The following TAF8 variants were observed in gnomAD, a reference collection of about 807,000 sequenced individuals.
TAF8 encodes transcription initiation factor TFIID subunit 8.
A neutral mutation model predicts 36.5 loss-of-function variants in TAF8; 47 were observed. That is an observed-to-expected ratio of 1.29 (90% CI 1.02 to 1.64). The LOEUF (loss-of-function observed/expected upper bound fraction) is 1.64. TAF8 is among the 40% of genes most tolerant of loss of function. The pLI is 0.00. For synonymous variants in TAF8, 175 were observed against 159.5 expected (o/e 1.10, Z -0.73); for missense variants, 420 against 407.6 (o/e 1.03, Z -0.26).
downstream of TAF8, among the ~76,000 whole-genome samples, chr6:42,084,954 GTAT>G (rs1766004491): frequency 2.0e-5 from 3 of 152,152 alleles, no homozygotes; most frequent in African/African-American, 7.2e-5. Flanking sequence ...GAGTTGGGGC[GTAT>G]TGCCTCTCTC....
chr6:42,060,254 C>T (rs1344419874), intron 5 of TAF8, among the ~76,000 whole-genome samples: 1 of 152,178 alleles, frequency 6.6e-6, no homozygotes, highest in Admixed American at 6.5e-5. Context: ...CAGCTAACAA[C>T]AGTGTACTAT....
intron 7 of TAF8, among the ~76,000 whole-genome samples, chr6:42,076,100 T>C (rs1273937580): frequency 6.6e-6 from 1 of 151,584 alleles, no homozygotes; most frequent in Non-Finnish European, 1.5e-5. Flanking sequence ...CCCAGCTACT[T>C]GGGAGGCTGA....
At position 42,078,607 on chromosome 6, in the gene TAF8, G is replaced by T. The variant is rs745755586; in HGVS notation, c.*1062G>T. The T allele has an allele frequency of 1.0e-6, 1 of 985,320 alleles. No individual in the cohort carries two copies. The allele number at this position is 985,320 out of a possible 1,614,324, so 61.0% of individuals were successfully genotyped here. On this transcript the variant is annotated 3_prime_UTR_variant, in exon 9 of 9. Coordinates refer to ENST00000372977, the MANE Select transcript of TAF8 (RefSeq NM_138572.3). ...TCACTGTGAAGAAGAACGACATGTC[G>T]GGGCTGCACCTGTCCTCCCGTCGGC...
In TAF8 at chr6:42,079,655, CG is replaced by C; in HGVS notation, c.*2113del. 1 of 804,564 alleles carries C rather than the reference CG, an allele frequency of 1.2e-6. No homozygotes were observed. The highest frequency in any genetic ancestry group is 1.5e-6 in the Non-Finnish European group (1 of 665,324). The allele number at this position is 804,564 out of a possible 1,614,324, so 49.8% of individuals were successfully genotyped here. On this transcript the variant is annotated 3_prime_UTR_variant, in exon 9 of 9. Coordinates refer to ENST00000372977, the MANE Select transcript of TAF8 (RefSeq NM_138572.3). ...TCGGCTCACTGCAACCTCCACTCCC[CG>C]GGTTCAAGCAATTCTCAGAGTAGCT...
At chr6:42,062,907 G>T (rs12191676) in intron 5 of TAF8, among the ~76,000 whole-genome samples, 12,352 of 152,096 alleles carry the variant, frequency 0.081, 620 homozygotes, top group East Asian at 0.15. Flanking sequence ...TATGGCTAAA[G>T]CTATGCCAAG....
At chr6:42,066,948 G>A (rs1441495992) in intron 6 of TAF8, among the ~76,000 whole-genome samples, 1 of 152,190 alleles carries the variant, frequency 6.6e-6, no homozygotes, top group Non-Finnish European at 1.5e-5. Flanking sequence ...TGGAACGCCC[G>A]CTGTGTGCCT....
rs1160675615 is a variant in TAF8, at chr6:42,080,433, C to T, written c.*2888C>T. 5.7e-6 allele frequency: 5 copies of T among 876,088 alleles called. No individual in the cohort carries two copies. The highest frequency in any genetic ancestry group is 1.9e-5 in the African/African-American group (1 of 53,680). 54.3% of individuals were successfully genotyped at this position (876,088 alleles called of 1,614,324 possible). A position where few individuals can be genotyped will look rare whatever the true frequency, so the allele number is the denominator to read the frequency against. The stretch of plus-strand genomic sequence containing the variant: ...TATCGCCCAGGCTGGAGTGCAATGG[C>T]GTGATCTCGGCTCACTGCAACCTCC... On this transcript the variant is annotated 3_prime_UTR_variant, in exon 9 of 9. Transcript: ENST00000372977.
At chr6:42,051,015 A>G (rs952155532) in intron 1 of TAF8, 7 of 1,084,150 alleles carry the variant, frequency 6.5e-6, no homozygotes, top group Non-Finnish European at 7.8e-6. Flanking sequence ...GGGAGGCACA[A>G]GAGAGGGATC....
intron 2 of TAF8, 59 bp from the exon 3 acceptor site, chr6:42,055,472 T>C: frequency 8.3e-7 from 1 of 1,206,344 alleles, no homozygotes; most frequent in Non-Finnish European, 1.2e-6. Context: ...ATCTGGTAAT[T>C]CTATGTTTAA....
At chr6:42,056,312 T>C (rs1020684204) in intron 4 of TAF8, 20 of 302,570 alleles carry the variant, frequency 6.6e-5, no homozygotes, top group Non-Finnish European at 1.1e-4. Context: ...AGATTAAGGG[T>C]TGGTAAATTG....
chr6:42,064,256 T>G (rs1052811071), intron 5 of TAF8, among the ~76,000 whole-genome samples: 5 of 125,766 alleles, frequency 4.0e-5, no homozygotes, highest in Non-Finnish European at 9.4e-5. Context: ...AGTTTTGGGG[T>G]TTTTTTGTGG....
chr6:42,050,683 C>G lies in TAF8; in HGVS notation c.45+97C>G, dbSNP rs568724045. 1.2e-4 allele frequency: 161 copies of G among 1,383,328 alleles called. No homozygotes were observed. The African/African-American group carries it at 2.2e-3, about 19-fold the overall frequency. The allele number at this position is 1,383,328 out of a possible 1,614,324, so 85.7% of individuals were successfully genotyped here. ...ACAAGATAATGCCCAGAAATTCAGC[C>G]CCATCATGAGCTCCGACTGGCGGAG... is the stretch of plus-strand genomic sequence containing the variant. On this transcript the variant is annotated intron_variant, in intron 1 of 8. Coordinates refer to ENST00000372977, the MANE Select transcript of TAF8 (RefSeq NM_138572.3).
Position 42,077,666 on chromosome 6 carries a change from C to A in TAF8, c.*121C>A. Reference sequence around the variant, plus strand: ...CCAAGCCGAGGCTGCAGGGTGTGATCGGACATGATTTTCATGGCAAACCGT... The same window carrying A: ...CCAAGCCGAGGCTGCAGGGTGTGATAGGACATGATTTTCATGGCAAACCGT... On this transcript the variant is annotated 3_prime_UTR_variant, in exon 9 of 9. Transcript: ENST00000372977. 6.6e-7 allele frequency: 1 copy of A among 1,525,736 alleles called. No homozygotes were observed. The highest frequency in any genetic ancestry group is 1.3e-5 in the South Asian group (1 of 79,806). 94.5% of individuals were successfully genotyped at this position (1,525,736 alleles called of 1,614,324 possible).
At chr6:42,066,260 A>G (rs1765355335) in intron 5 of TAF8, 52 bp from the exon 6 acceptor site, 1 of 1,604,368 alleles carries the variant, frequency 6.2e-7, no homozygotes. Flanking sequence ...AGCTGATGAA[A>G]GCAGAATGAT....
At chr6:42,077,346 C>G in intron 8 of TAF8, 107 bp downstream of exon 8, 1 of 1,505,944 alleles carries the variant, frequency 6.6e-7, no homozygotes, top group East Asian at 2.4e-5. Flanking sequence ...GGGAAAGCCA[C>G]TCTGGTGAGA....
Position 42,078,252 on chromosome 6 carries a change from A to G in TAF8, c.*707A>G. 1.0e-6 allele frequency: 1 copy of G among 985,514 alleles called. No homozygotes were observed. The highest frequency in any genetic ancestry group is 1.2e-6 in the Non-Finnish European group (1 of 829,992). The allele number at this position is 985,514 out of a possible 1,614,324, so 61.0% of individuals were successfully genotyped here. Reference sequence around the variant, plus strand: ...ATAGCAGCAGCCAGTGACTTCGTTCATTATCACAGGATTTGATTCCTTTGA... The same window carrying G: ...ATAGCAGCAGCCAGTGACTTCGTTCGTTATCACAGGATTTGATTCCTTTGA... On this transcript the variant is annotated 3_prime_UTR_variant, in exon 9 of 9. Coordinates refer to ENST00000372977, the MANE Select transcript of TAF8 (RefSeq NM_138572.3).
intron 5 of TAF8, among the ~76,000 whole-genome samples, chr6:42,063,980 T>C (rs1443178566): frequency 1.3e-5 from 2 of 152,222 alleles, no homozygotes; most frequent in East Asian, 3.8e-4. Context: ...CTAAGATTAG[T>C]TTATTTTGAT....
In TAF8 at chr6:42,050,556, G is replaced by A. The variant is rs1387539830; in HGVS notation, c.15G>A (p.Ala5=). 8 of 1,555,440 alleles carry A rather than the reference G, an allele frequency of 5.1e-6. No individual in the cohort carries two copies. Among genetic ancestry groups the A allele is most frequent in the Non-Finnish European group, 6.1e-6 (7 of 1,149,928 alleles). Residue 5 remains alanine (A), a synonymous_variant, in exon 1 of 9, where the codon GCG becomes GCA. Coordinates refer to ENST00000372977, the MANE Select transcript of TAF8 (RefSeq NM_138572.3). ...GCCAGAACAAGATGGCCGACGCGGC[G>A]GCCACAGCTGGGGCCGGTGGCTCCG... is the stretch of plus-strand genomic sequence containing the variant. MADA[A]ATAGAGGSGT... is the part of the protein sequence containing the mutation.
rs1287847051 is a variant in TAF8 at position 42,081,096 on chromosome 6, C to T, written c.*3551C>T. ...CTGTATATGCCTCATCAAGCTTCCA[C>T]ACTTGTCAGTAGCTTGTTGATTCTG... On this transcript the variant is annotated 3_prime_UTR_variant, in exon 9 of 9. Coordinates refer to ENST00000372977, the MANE Select transcript of TAF8 (RefSeq NM_138572.3). 6.1e-6 allele frequency: 2 copies of T among 330,416 alleles called. No homozygotes were observed. The highest frequency in any genetic ancestry group is 2.3e-5 in the African/African-American group (1 of 44,356). The allele number at this position is 330,416 out of a possible 1,614,324, so 20.5% of individuals were successfully genotyped here.
Sources: gnomAD v4.1 joint callset for allele counts (sites outside exome capture counted in the v4.1 genomes callset) on GRCh38, gnomAD v4.1.1 for gene constraint, MANE v1.5 for transcripts, NCBI Gene and HGNC (gene_info 2026-07-23, HGNC 2026-07-21) for gene names.